Variants in ALDH3B2 observed in about 807,000 individuals in gnomAD.
The protein encoded by ALDH3B2 is aldehyde dehydrogenase family 3 member B2.
ALDH3B2 carries 45 observed loss-of-function variants against 36.7 expected under a neutral mutation model. That is an observed-to-expected ratio of 1.23 (90% CI 0.97 to 1.57). The LOEUF (loss-of-function observed/expected upper bound fraction) is 1.57, where lower values mean the gene tolerates loss of function less well. ALDH3B2 is among the 40% of genes most tolerant of loss of function. The pLI is 0.00. For synonymous variants in ALDH3B2, 217 were observed against 226.5 expected, an observed-to-expected ratio of 0.96 and a Z score of 0.38; for missense variants, 464 against 513.3, an observed-to-expected ratio of 0.90 and a Z score of 0.93.
At chr11:67,674,980 C>A (rs1364335832), upstream of ALDH3B2, among the ~76,000 whole-genome samples, 2 of 152,234 alleles carry the variant, frequency 1.3e-5, no homozygotes, top group East Asian at 1.9e-4. Flanking sequence ...GGTCCCATGC[C>A]CCCCATGGCC....
chr11:67,665,424 A>G (rs1288813599), exon 7 of ALDH3B2: 8 of 1,613,518 alleles, frequency 5.0e-6, no homozygotes, highest in African/African-American at 1.3e-5. Context: ...CGCCATAGAA[A>G]CGGGTGATGG....
chr11:67,670,715 G>A (rs901947859), intron 1 of ALDH3B2, among the ~76,000 whole-genome samples: 5 of 152,156 alleles, frequency 3.3e-5, no homozygotes, highest in Admixed American at 3.3e-4. Flanking sequence ...GCCATGCTGG[G>A]CACCTTCCTG....
chr11:67,672,900 A>T (rs1302583408), intron 1 of ALDH3B2, among the ~76,000 whole-genome samples: 4 of 145,816 alleles, frequency 2.7e-5, no homozygotes, highest in Non-Finnish European at 6.0e-5. Context: ...CACAAAATGA[A>T]CTTTCTTTCT....
chr11:67,663,263 C>T (rs1855796629), exon 10 of ALDH3B2: 1 of 1,613,816 alleles, frequency 6.2e-7, no homozygotes, highest in Non-Finnish European at 8.5e-7. Flanking sequence ...GTAACAGCTG[C>T]TGGTTCCAGT....
upstream of ALDH3B2, among the ~76,000 whole-genome samples, chr11:67,678,192 C>T (rs1159272448): frequency 6.6e-6 from 1 of 152,148 alleles, no homozygotes; most frequent in Non-Finnish European, 1.5e-5. Flanking sequence ...AATCTGGAGG[C>T]ATCATACTAC....
intron 1 of ALDH3B2, 84 bp from the exon 2 acceptor site, chr11:67,667,719 C>T (rs964337286): frequency 2.9e-5 from 7 of 241,862 alleles, no homozygotes; most frequent in Admixed American, 5.6e-5. Context: ...GGTCTGCACA[C>T]CCTTGCCCCA....
In ALDH3B2 at chr11:67,666,313, C is replaced by G; in HGVS notation, c.237+3G>C. The G allele has an allele frequency of 6.2e-7, 1 of 1,608,502 alleles. No individual in the cohort carries two copies. The highest frequency in any genetic ancestry group is 1.7e-5 in the Admixed American group (1 of 58,786). On this transcript the variant is annotated splice_donor_region_variant and intron_variant, in intron 5 of 9. Transcript: ENST00000349015. The stretch of plus-strand genomic sequence containing the variant: ...GGCACTGCTGGGGCAGGGCCACCCT[C>G]ACCTGGTCCAGGTACTGGGGCAGCA...
chr11:67,676,136 A>G (rs555034616), upstream of ALDH3B2, among the ~76,000 whole-genome samples: 1 of 152,218 alleles, frequency 6.6e-6, no homozygotes, highest in East Asian at 1.9e-4. Flanking sequence ...AATCCCAGCT[A>G]CTCGGGAGGC....
chr11:67,668,580 T>C (rs1164616738), intron 1 of ALDH3B2, among the ~76,000 whole-genome samples: 1 of 151,660 alleles, frequency 6.6e-6, no homozygotes, highest in Admixed American at 6.6e-5. Flanking sequence ...GTCTGTGTGT[T>C]TCTTTGTGTC....
At chr11:67,666,460 G>A in intron 4 of ALDH3B2, 59 bp from the exon 5 acceptor site, 1 of 1,604,384 alleles carries the variant, frequency 6.2e-7, no homozygotes. Flanking sequence ...CCCAACCAGG[G>A]GCTGGGCTCA....
At chr11:67,678,777 A>G (rs529741945), upstream of ALDH3B2, among the ~76,000 whole-genome samples, 2 of 143,760 alleles carry the variant, frequency 1.4e-5, no homozygotes, top group East Asian at 4.0e-4. Context: ...TATGGTATAT[A>G]TATACATACT....
At chr11:67,666,721 C>T in intron 3 of ALDH3B2, 27 bp from the exon 4 acceptor site, 3 of 1,613,384 alleles carry the variant, frequency 1.9e-6, no homozygotes, top group Non-Finnish European at 2.5e-6. Flanking sequence ...ACAGTGAGGC[C>T]CTGCCAAGGG....
chr11:67,668,942 GGTGT>G (rs1855999286), intron 1 of ALDH3B2, among the ~76,000 whole-genome samples: 1 of 144,184 alleles, frequency 6.9e-6, no homozygotes, highest in African/African-American at 2.6e-5. Context: ...TGTGTGTATG[GGTGT>G]GTGTATGTGT....
chr11:67,674,792 G>A (rs887031514), upstream of ALDH3B2: 3 of 152,426 alleles, frequency 2.0e-5, no homozygotes, highest in African/African-American at 7.2e-5. Flanking sequence ...TTGGGAACAG[G>A]TTAGACAAGT....
chr11:67,672,088 T>TATAG (rs71058720), intron 1 of ALDH3B2, among the ~76,000 whole-genome samples: 2 of 104,720 alleles, frequency 1.9e-5, no homozygotes, highest in East Asian at 5.4e-4. Context: ...TATATATATA[T>TATAG]GTATGTATGT....
chr11:67,673,582 A>C (rs80063798), intron 1 of ALDH3B2, among the ~76,000 whole-genome samples: 12,411 of 152,244 alleles, frequency 0.082, 524 homozygotes, highest in East Asian at 0.12. Flanking sequence ...AGGAAGGTGG[A>C]GGCCTGATGG....
At chr11:67,674,096 C>T (rs1381070265) in intron 1 of ALDH3B2, among the ~76,000 whole-genome samples, 1 of 152,198 alleles carries the variant, frequency 6.6e-6, no homozygotes, top group African/African-American at 2.4e-5. Context: ...CCTTGTCTGT[C>T]CACAGAGCTG....
At position 67,663,466 on chromosome 11, in the gene ALDH3B2, G is replaced by A. The variant is rs949783146; in HGVS notation, c.974-67C>T. On this transcript the variant is annotated intron_variant, in intron 9 of 9. Coordinates refer to ENST00000349015, the Ensembl canonical transcript of ALDH3B2. ...CATGGAGCCCCAGCAGCAGCCCACT[G>A]CCCCGGCCAGGGCACACAGCTGGCA... The A allele has an allele frequency of 1.2e-5, 19 of 1,545,206 alleles. No individual in the cohort carries two copies. The South Asian group carries it at 2.2e-4, about 18-fold the overall frequency.
At chr11:67,663,361 A>G (rs780838533) in exon 10 of ALDH3B2, 2 of 1,613,878 alleles carry the variant, frequency 1.2e-6, no homozygotes, top group East Asian at 2.2e-5. Context: ...AAGGTGTCGA[A>G]GGTGAACTTG....
Sources: allele counts gnomAD v4.1 joint callset (sites outside exome capture counted in the v4.1 genomes callset), GRCh38; gene constraint gnomAD v4.1.1; transcripts MANE v1.5; gene names NCBI Gene and HGNC (gene_info 2026-07-23, HGNC 2026-07-21).